SERPINA5: variants seen among roughly 807,000 people sequenced by gnomAD.
SERPINA5 encodes the protein serpin family A member 5.
A neutral mutation model predicts 25.3 loss-of-function variants in SERPINA5; 25 were observed. That is an observed-to-expected ratio of 0.99 (90% CI 0.72 to 1.38). SERPINA5 has a LOEUF of 1.38. Ranked by LOEUF, SERPINA5 falls within the 40% of genes most tolerant of loss-of-function variation. The pLI is 0.00. For synonymous variants in SERPINA5, 234 were observed against 206.2 expected (o/e 1.14, Z -1.16); for missense variants, 599 against 509.5 (o/e 1.18, Z -1.69).
intron 2 of SERPINA5, among the ~76,000 whole-genome samples, chr14:94,583,621 G>A (rs1184544184): frequency 1.3e-5 from 2 of 152,188 alleles, no homozygotes; most frequent in South Asian, 2.1e-4. Flanking sequence ...TGCCCAACAC[G>A]GGAAATATCA....
At chr14:94,585,295 C>A (rs1885038950) in intron 2 of SERPINA5, among the ~76,000 whole-genome samples, 1 of 152,144 alleles carries the variant, frequency 6.6e-6, no homozygotes, top group Non-Finnish European at 1.5e-5. Context: ...GCAATGCGCC[C>A]AACTGCTGTG....
At chr14:94,590,963 T>A (rs913312122) in intron 5 of SERPINA5, 67 bp downstream of exon 5, 4 of 1,478,484 alleles carry the variant, frequency 2.7e-6, no homozygotes, top group Non-Finnish European at 3.7e-6. Flanking sequence ...TCTATTCTAC[T>A]CTACCCCATT....
intron 5 of SERPINA5, 129 bp downstream of exon 5, chr14:94,591,025 C>A: frequency 1.2e-6 from 1 of 854,628 alleles, no homozygotes; most frequent in Non-Finnish European, 1.7e-6. Context: ...CACTCCAGTT[C>A]ACTCTATTCA....
intron 5 of SERPINA5, among the ~76,000 whole-genome samples, chr14:94,591,539 ATTCTG>A (rs1247354365): frequency 1.4e-5 from 2 of 138,340 alleles, no homozygotes; most frequent in Non-Finnish European, 3.1e-5. Context: ...CCACTCCTTT[ATTCTG>A]TTCTGTTCTA....
chr14:94,591,940 A>G, intron 5 of SERPINA5, 117 bp from the exon 6 acceptor site: 2 of 1,157,812 alleles, frequency 1.7e-6, no homozygotes, highest in South Asian at 3.0e-5. Context: ...TACTTGCTCC[A>G]TGGCTCAGTT....
rs1180469733 is a variant in SERPINA5, at chr14:94,587,385, G to T, written c.23G>T (p.Cys8Phe). 6.2e-7 allele frequency: 1 copy of T among 1,611,206 alleles called. No individual in the cohort carries two copies. The highest frequency in any genetic ancestry group is 1.3e-5 in the African/African-American group (1 of 74,844). The change falls in exon 3 of 6, where the codon TGC becomes TTC. Residue 8 changes from cysteine to phenylalanine, a missense_variant. By Grantham distance (205) the Cys-to-Phe change is radical. Coordinates refer to ENST00000329597, the MANE Select transcript of SERPINA5 (RefSeq NM_000624.6). Reference protein sequence around the residue: MQLFLLLCLVLLSPQGAS... With the variant: MQLFLLLFLVLLSPQGAS... ...ACCATGCAGCTCTTCCTCCTCTTGT[G>T]CCTGGTGCTTCTCAGCCCTCAGGGG...
rs1595076488 is a variant in SERPINA5 at position 94,584,505 on chromosome 14, A to T, written c.-18+2795A>T. On this transcript the variant is annotated intron_variant, in intron 2 of 5. Transcript: ENST00000329597. ...ACAGATCCTGGGGGAGACTCAGTGC[A>T]CACCCGGAGAAGCAGCTCCTCCCCA... 2.0e-5 allele frequency among the ~76,000 whole-genome samples: 3 copies of T among 152,222 alleles called. No homozygotes were observed. The East Asian group carries it at 5.8e-4, about 29-fold the overall frequency.
chr14:94,588,076 G>T lies in SERPINA5; in HGVS notation c.619+95G>T, dbSNP rs1885158154. The T allele has an allele frequency of 3.4e-6, 5 of 1,486,472 alleles. No homozygotes were observed. In the South Asian group the frequency reaches 6.7e-5, roughly 20 times the overall value. 92.1% of individuals were successfully genotyped at this position (1,486,472 alleles called of 1,614,324 possible). ...TTCCCTCACATACATAAAAGACGGGGAGTACGTTAAGTTCTTTTGGGTGCC... is the reference window on the plus strand; with the variant it reads ...TTCCCTCACATACATAAAAGACGGGTAGTACGTTAAGTTCTTTTGGGTGCC... On this transcript the variant is annotated intron_variant, in intron 3 of 5. Coordinates refer to ENST00000329597, the MANE Select transcript of SERPINA5 (RefSeq NM_000624.6).
At chr14:94,591,750 C>T (rs1452056285) in intron 5 of SERPINA5, among the ~76,000 whole-genome samples, 1 of 152,192 alleles carries the variant, frequency 6.6e-6, no homozygotes, top group African/African-American at 2.4e-5. Flanking sequence ...TAAGAAGGCA[C>T]TTCCTAGCTA....
At chr14:94,586,642 G>A (rs539542727) in intron 2 of SERPINA5, among the ~76,000 whole-genome samples, 3 of 152,304 alleles carry the variant, frequency 2.0e-5, no homozygotes, top group African/African-American at 7.2e-5. Flanking sequence ...CATTTTGGGG[G>A]CACAATTCAG....
In SERPINA5 at chr14:94,590,139, G is replaced by A. The variant is rs753862029; in HGVS notation, c.718G>A (p.Asp240Asn). ...GCGGGTACCCATGATGAGCCGCGAG[G>A]ATCAGTATCACTACCTCCTGGACCG... ...VVRVPMMSRE[D>N]QYHYLLDRNL... Residue 240 changes from aspartate to asparagine, a missense_variant, in exon 4 of 6, where the codon GAT becomes AAT. Transcript: ENST00000329597. 6.2e-7 allele frequency: 1 copy of A among 1,614,130 alleles called. No individual in the cohort carries two copies. The highest frequency in any genetic ancestry group is 2.2e-5 in the East Asian group (1 of 44,880).
In SERPINA5 at chr14:94,590,907, A is replaced by G; in HGVS notation, c.1038+11A>G. ...ATCCAGGTGTCTGAGGTGGGTTCAG[A>G]AGCTCCTATGCATCTGCTTCCCAAG... On this transcript the variant is annotated intron_variant, in intron 5 of 5. Coordinates refer to ENST00000329597, the MANE Select transcript of SERPINA5 (RefSeq NM_000624.6). 1 of 1,605,740 alleles carries G rather than the reference A, an allele frequency of 6.2e-7. No homozygotes were observed. Among genetic ancestry groups the G allele is most frequent in the Non-Finnish European group, 8.5e-7 (1 of 1,174,834 alleles).
intron 2 of SERPINA5, among the ~76,000 whole-genome samples, chr14:94,582,929 C>T (rs1884960289): frequency 6.6e-6 from 1 of 152,150 alleles, no homozygotes; most frequent in African/African-American, 2.4e-5. Flanking sequence ...AAGCCTGCAG[C>T]CTATGCAGAA....
At chr14:94,590,398 G>T in intron 4 of SERPINA5, 87 bp downstream of exon 4, 1 of 1,449,750 alleles carries the variant, frequency 6.9e-7, no homozygotes. Flanking sequence ...CAGCACTGGT[G>T]GGAAGGACTC....
In SERPINA5 at chr14:94,590,847, A is replaced by C. The variant is rs558058210; in HGVS notation, c.989A>C (p.His330Pro). ...SLGISNVFTS[H>P]ADLSGISNHS... ...GGGATCAGTAACGTCTTCACCTCCCATGCTGATCTGTCCGGCATCAGCAAC... is the reference window on the plus strand; with the variant it reads ...GGGATCAGTAACGTCTTCACCTCCCCTGCTGATCTGTCCGGCATCAGCAAC... Residue 330 changes from histidine to proline, a missense_variant, in exon 5 of 6, where the codon CAT (histidine) becomes CCT (proline). Coordinates refer to ENST00000329597, the MANE Select transcript of SERPINA5 (RefSeq NM_000624.6). The C allele has an allele frequency of 6.2e-7, 1 of 1,614,022 alleles. No homozygotes were observed. The highest frequency in any genetic ancestry group is 8.5e-7 in the Non-Finnish European group (1 of 1,179,948).
intron 2 of SERPINA5, among the ~76,000 whole-genome samples, chr14:94,585,447 A>G (rs1885043388): frequency 6.6e-6 from 1 of 152,158 alleles, no homozygotes; most frequent in African/African-American, 2.4e-5. Context: ...ACTTAAAGAC[A>G]GGCCTGCAGT....
In SERPINA5 at chr14:94,592,162, C is replaced by T; in HGVS notation, c.1144C>T (p.Leu382=). 1 of 1,614,188 alleles carries T rather than the reference C, an allele frequency of 6.2e-7. No individual in the cohort carries two copies. Among genetic ancestry groups the T allele is most frequent in the Non-Finnish European group, 8.5e-7 (1 of 1,180,026 alleles). Residue 382 remains leucine, a synonymous_variant, in exon 6 of 6, where the codon CTA becomes TTA. Transcript: ENST00000329597. ...GTCGGCCCGCCTGAACTCTCAGAGG[C>T]TAGTGTTCAACAGGCCCTTTCTGAT... ...FRSARLNSQR[L]VFNRPFLMFI... is the part of the protein sequence containing the mutation.
In SERPINA5 at chr14:94,587,454, T is replaced by A; in HGVS notation, c.92T>A (p.Val31Asp). Residue 31 changes from valine to aspartate, a missense_variant, in exon 3 of 6, where the codon GTC (valine) becomes GAC (aspartate). Physicochemically the swap from Val to Asp is radical, Grantham distance 152 (BLOSUM62 -3). Coordinates refer to ENST00000329597, the MANE Select transcript of SERPINA5 (RefSeq NM_000624.6). ...CACCCCCGGGAGATGAAGAAGAGAG[T>A]CGAGGACCTCCATGTAGGTGCCACG... ...RHHPREMKKR[V>D]EDLHVGATVA... is the part of the protein sequence containing the mutation. 1 of 1,613,658 alleles carries A rather than the reference T, an allele frequency of 6.2e-7. No homozygotes were observed. The highest frequency in any genetic ancestry group is 1.1e-5 in the South Asian group (1 of 91,044).
Position 94,587,679 on chromosome 14 carries a change from A to G in SERPINA5, c.317A>G (p.Glu106Gly), listed in dbSNP as rs945520765. 1.9e-6 allele frequency: 3 copies of G among 1,614,034 alleles called. No individual in the cohort carries two copies. The highest frequency in any genetic ancestry group is 2.5e-6 in the Non-Finnish European group (3 of 1,180,008). Residue 106 changes from glutamate to glycine, a missense_variant, in exon 3 of 6, where the codon GAG (glutamate) becomes GGG (glycine). By Grantham distance (98) the Glu-to-Gly change is moderately conservative (BLOSUM62 -2). Transcript: ENST00000329597. ...GLNLQKSSEK[E>G]LHRGFQQLLQ... is the part of the protein sequence containing the mutation. ...AACCTCCAGAAAAGCTCAGAGAAGG[A>G]GCTGCACAGAGGCTTTCAGCAGCTC...
Sources: gnomAD v4.1 joint callset for allele counts (sites outside exome capture counted in the v4.1 genomes callset) on GRCh38, gnomAD v4.1.1 for gene constraint, MANE v1.5 for transcripts, NCBI Gene and HGNC (gene_info 2026-07-23, HGNC 2026-07-21) for gene names.